CMIP: variants seen among roughly 807,000 people sequenced by gnomAD.
CMIP encodes c-Maf inducing protein, also known as C-Maf-inducing protein.
Under a neutral mutation model 97.3 loss-of-function variants are expected in CMIP, and 13 were observed. The ratio of observed to expected loss-of-function variants is 0.13; its 90% CI spans 0.09 to 0.21. The LOEUF (loss-of-function observed/expected upper bound fraction) is 0.21. Ranked by LOEUF, CMIP falls within the 10% of genes least tolerant of loss-of-function variation. The pLI is 1.00. For missense variants in CMIP, 847 were observed against 1,024.9 expected (o/e 0.83, Z 2.37); for synonymous variants, 538 against 436.3 (o/e 1.23, Z -2.91).
intron 1 of CMIP, among the ~76,000 whole-genome samples, chr16:81,573,354 A>T (rs1161170397): frequency 3.3e-5 from 5 of 152,094 alleles, no homozygotes; most frequent in Non-Finnish European, 5.9e-5. Flanking sequence ...AAAAAATAAA[A>T]AAAAAAAAAA....
chr16:81,684,413 G>A (rs867752995), intron 10 of CMIP, among the ~76,000 whole-genome samples: 2 of 152,218 alleles, frequency 1.3e-5, no homozygotes, highest in African/African-American at 2.4e-5. Flanking sequence ...AGGCCGCCAC[G>A]TTCTGCCCGT....
intron 8 of CMIP, among the ~76,000 whole-genome samples, chr16:81,671,665 C>T (rs544970862): frequency 3.3e-5 from 5 of 152,300 alleles, no homozygotes; most frequent in Non-Finnish European, 5.9e-5. Flanking sequence ...CTCATTTTAT[C>T]GCTGCAGAAA....
intron 7 of CMIP, chr16:81,667,110 CGGG>C (rs996578862): frequency 1.3e-5 from 2 of 151,998 alleles, no homozygotes; most frequent in East Asian, 3.9e-4. Context: ...ATTTAGGAAA[CGGG>C]GGGAACGTAG....
chr16:81,551,838 C>T (rs1432037922), intron 1 of CMIP, among the ~76,000 whole-genome samples: 1 of 152,172 alleles, frequency 6.6e-6, no homozygotes, highest in Non-Finnish European at 1.5e-5. Context: ...GCTCCTGCTC[C>T]CATAGACAGT....
At chr16:81,541,628 C>A (rs2090450792) in intron 1 of CMIP, among the ~76,000 whole-genome samples, 1 of 152,172 alleles carries the variant, frequency 6.6e-6, no homozygotes. Flanking sequence ...GAGAGAACGG[C>A]TGTCTTTATG....
intron 10 of CMIP, among the ~76,000 whole-genome samples, chr16:81,687,458 C>T (rs534962591): frequency 2.4e-4 from 36 of 152,134 alleles, no homozygotes; most frequent in Non-Finnish European, 4.0e-4. Context: ...TGTTTTTCCG[C>T]GGAGTCCCTA....
intron 1 of CMIP, among the ~76,000 whole-genome samples, chr16:81,566,601 T>C (rs1356169388): frequency 6.6e-6 from 1 of 152,260 alleles, no homozygotes; most frequent in Admixed American, 6.5e-5. Flanking sequence ...GGCAGGGGTC[T>C]AATGCATTCA....
intron 1 of CMIP, among the ~76,000 whole-genome samples, chr16:81,593,682 G>A (rs2091501027): frequency 6.6e-6 from 1 of 152,160 alleles, no homozygotes; most frequent in Admixed American, 6.5e-5. Context: ...TCTGGGCATT[G>A]AGCTCATTGG....
intron 1 of CMIP, among the ~76,000 whole-genome samples, chr16:81,473,367 G>A (rs1374503196): frequency 6.6e-6 from 1 of 152,242 alleles, no homozygotes; most frequent in Non-Finnish European, 1.5e-5. Flanking sequence ...ACGGATTTCA[G>A]GACTGAGCTG....
intron 1 of CMIP, among the ~76,000 whole-genome samples, chr16:81,473,585 G>A (rs185211297): frequency 2.6e-4 from 39 of 151,680 alleles, no homozygotes; most frequent in Non-Finnish European, 4.0e-4. Flanking sequence ...GGAGTTGGGC[G>A]GGGGTTGACT....
At chr16:81,549,990 T>G (rs999611415) in intron 1 of CMIP, among the ~76,000 whole-genome samples, 2 of 152,250 alleles carry the variant, frequency 1.3e-5, no homozygotes, top group African/African-American at 2.4e-5. Context: ...TGTGCATATT[T>G]AAATGCGCTC....
chr16:81,635,981 G>A (rs539234646), intron 3 of CMIP, among the ~76,000 whole-genome samples: 7 of 152,226 alleles, frequency 4.6e-5, no homozygotes, highest in East Asian at 1.9e-4. Context: ...AGGGGGTGGC[G>A]GGAGGGAGGG....
intron 14 of CMIP, among the ~76,000 whole-genome samples, chr16:81,698,990 G>T (rs747424949): frequency 1.1e-4 from 16 of 152,182 alleles, no homozygotes; most frequent in Non-Finnish European, 1.9e-4. Context: ...AGTGGCTCAC[G>T]CCTGTAATCC....
At chr16:81,669,719 C>T (rs2092662628) in intron 7 of CMIP, among the ~76,000 whole-genome samples, 1 of 132,528 alleles carries the variant, frequency 7.5e-6, no homozygotes, top group Middle Eastern at 3.8e-3. Flanking sequence ...CCCATACCCA[C>T]CTCACACTCA....
rs139325749 is a variant in CMIP, at chr16:81,512,539, A to G, written c.300+66998A>G. Among the ~76,000 whole-genome samples the G allele has an allele frequency of 3.2e-4, 48 of 152,302 alleles. 1 individual carries two copies. Among genetic ancestry groups the G allele is most frequent in the African/African-American group, 1.1e-3 (45 of 41,564 alleles). ...CTTCATCAGCTACATGGTTGTTGCA[A>G]TGTTTAGTGTGTACAGGAAAGGCAG... is the stretch of plus-strand genomic sequence containing the variant. On this transcript the variant is annotated intron_variant, in intron 1 of 20. Coordinates refer to ENST00000537098, the MANE Select transcript of CMIP (RefSeq NM_198390.3).
chr16:81,474,641 T>C (rs1907774654), intron 1 of CMIP, among the ~76,000 whole-genome samples: 3 of 152,110 alleles, frequency 2.0e-5, no homozygotes, highest in African/African-American at 7.2e-5. Context: ...CGCACTTCTG[T>C]GGAAGGGGAA....
chr16:81,540,395 C>T (rs2090425941), intron 1 of CMIP, among the ~76,000 whole-genome samples: 1 of 152,188 alleles, frequency 6.6e-6, no homozygotes, highest in Non-Finnish European at 1.5e-5. Flanking sequence ...CTTGACCTCC[C>T]AGGCTCAAGT....
chr16:81,586,278 T>C (rs1157561989), intron 1 of CMIP, among the ~76,000 whole-genome samples: 2 of 152,188 alleles, frequency 1.3e-5, no homozygotes, highest in Non-Finnish European at 2.9e-5. Context: ...TACTACTATT[T>C]TGATAACACA....
intron 1 of CMIP, chr16:81,520,243 A>G (rs1043276915): frequency 5.3e-5 from 8 of 151,948 alleles, no homozygotes; most frequent in East Asian, 1.9e-4. Flanking sequence ...CTGCTGGTGC[A>G]CTCAGCCAAG....
Sources: gnomAD v4.1 joint callset for allele counts (sites outside exome capture counted in the v4.1 genomes callset) on GRCh38, gnomAD v4.1.1 for gene constraint, MANE v1.5 for transcripts, NCBI Gene and HGNC (gene_info 2026-07-23, HGNC 2026-07-21) for gene names.